KCNMA1: variants seen among roughly 807,000 people sequenced by gnomAD.
KCNMA1 encodes the protein potassium calcium-activated channel subfamily M alpha 1.
Under a neutral mutation model 140.0 loss-of-function variants are expected in KCNMA1, and 29 were observed. The ratio of observed to expected loss-of-function variants is 0.21; its 90% confidence interval spans 0.15 to 0.28. The LOEUF (loss-of-function observed/expected upper bound fraction) is 0.28, where lower values mean the gene tolerates loss of function less well. Ranked by LOEUF, KCNMA1 falls within the 10% of genes least tolerant of loss-of-function variation. The pLI is 1.00. For synonymous variants in KCNMA1, 612 were observed against 611.9 expected (o/e 1.00, Z 0.00); for missense variants, 880 against 1,602.2 (o/e 0.55, Z 7.70).
intron 1 of KCNMA1, among the ~76,000 whole-genome samples, chr10:77,506,913 A>C (rs933657502): frequency 3.3e-5 from 5 of 151,822 alleles, no homozygotes; most frequent in African/African-American, 1.2e-4. Context: ...ATGAAGAGAG[A>C]GAGTAAAAGA....
At chr10:76,927,766 G>A (rs1484015156) in intron 23 of KCNMA1, among the ~76,000 whole-genome samples, 1 of 152,028 alleles carries the variant, frequency 6.6e-6, no homozygotes, top group Non-Finnish European at 1.5e-5. Context: ...AAAAGGAAAG[G>A]GTCAGGTAAT....
intron 1 of KCNMA1, among the ~76,000 whole-genome samples, chr10:77,618,749 C>T (rs1878002): frequency 0.34 from 51,543 of 152,106 alleles, 9,375 homozygotes; most frequent in African/African-American, 0.46. Context: ...TGACATCACA[C>T]TGGTATCTTC....
At chr10:77,355,539 C>T (rs192066516) in intron 2 of KCNMA1, among the ~76,000 whole-genome samples, 1 of 152,108 alleles carries the variant, frequency 6.6e-6, no homozygotes, top group Non-Finnish European at 1.5e-5. Context: ...AAGCATCTAG[C>T]CCCAGGAGCT....
At chr10:77,412,830 C>T (rs2096649286) in intron 1 of KCNMA1, among the ~76,000 whole-genome samples, 3 of 152,128 alleles carry the variant, frequency 2.0e-5, no homozygotes, top group Non-Finnish European at 2.9e-5. Flanking sequence ...AGTCCATAGG[C>T]CCATGTTAGC....
chr10:77,183,353 A>C lies in KCNMA1; in HGVS notation c.808+68T>G. On this transcript the variant is annotated intron_variant, in intron 5 of 27. Coordinates refer to ENST00000286628, the MANE Select transcript of KCNMA1 (RefSeq NM_001161352.2). ...TTGTAGGGAGACAGCCCCCTCATCCACTGCAAATTCTGTCCTTCAGCCATG... is the reference window on the plus strand; with the variant it reads ...TTGTAGGGAGACAGCCCCCTCATCCCCTGCAAATTCTGTCCTTCAGCCATG... The C allele has an allele frequency of 3.0e-6, 3 of 1,016,772 alleles. No homozygotes were observed. In the East Asian group the frequency reaches 7.1e-5, roughly 24 times the overall value. The allele number at this position is 1,016,772 out of a possible 1,614,324, so 63.0% of individuals were successfully genotyped here. A position where few individuals can be genotyped will look rare whatever the true frequency, so the allele number is the denominator to read the frequency against.
At chr10:77,382,356 A>G (rs1180577312) in intron 2 of KCNMA1, among the ~76,000 whole-genome samples, 4 of 152,194 alleles carry the variant, frequency 2.6e-5, no homozygotes, top group Non-Finnish European at 4.4e-5. Context: ...AACAGGTGTT[A>G]TCATTATTCC....
chr10:77,482,892 C>T (rs1392223228), intron 1 of KCNMA1, among the ~76,000 whole-genome samples: 2 of 151,334 alleles, frequency 1.3e-5, no homozygotes, highest in Non-Finnish European at 2.9e-5. Context: ...GCCCCCAAGT[C>T]TCTCTCTTGC....
At chr10:77,527,685 T>C (rs943758622) in intron 1 of KCNMA1, among the ~76,000 whole-genome samples, 3 of 152,074 alleles carry the variant, frequency 2.0e-5, no homozygotes, top group African/African-American at 7.2e-5. Flanking sequence ...TTTCCATTTA[T>C]TAAAAGAGAA....
chr10:77,040,001 G>T (rs573935126), intron 14 of KCNMA1, among the ~76,000 whole-genome samples: 3 of 141,368 alleles, frequency 2.1e-5, no homozygotes, highest in African/African-American at 7.9e-5. Context: ...TCCTGCCTCA[G>T]CCTCTGGAGT....
chr10:77,505,156 C>T lies in KCNMA1; in HGVS notation c.379-101133G>A, dbSNP rs187303798. On this transcript the variant is annotated intron_variant, in intron 1 of 27. Transcript: ENST00000286628. The stretch of plus-strand genomic sequence containing the variant: ...TCACTAACCTGCTGCCCCCTTGCTA[C>T]GTGCCTGGAAATGCATAAATGTGCT... Among the ~76,000 whole-genome samples, 14 of 152,310 alleles carry T rather than the reference C, an allele frequency of 9.2e-5. No individual in the cohort carries two copies. The South Asian group carries it at 1.5e-3, about 16-fold the overall frequency.
At chr10:77,026,218 GA>G (rs1186794543) in intron 16 of KCNMA1, among the ~76,000 whole-genome samples, 1 of 152,122 alleles carries the variant, frequency 6.6e-6, no homozygotes, top group African/African-American at 2.4e-5. Flanking sequence ...GGCAACAAGT[GA>G]AAGACAACTG....
At chr10:77,126,827 C>T (rs959733294) in intron 5 of KCNMA1, among the ~76,000 whole-genome samples, 1 of 149,798 alleles carries the variant, frequency 6.7e-6, no homozygotes, top group African/African-American at 2.5e-5. Flanking sequence ...TGGGTTGAGG[C>T]TTCCCAGGCA....
intron 20 of KCNMA1, among the ~76,000 whole-genome samples, chr10:76,954,269 GCACACA>G (rs10663230): frequency 2.1e-5 from 3 of 141,196 alleles, no homozygotes; most frequent in African/African-American, 7.5e-5. Context: ...TCCCCAGCGT[GCACACA>G]CACACACACA....
chr10:77,584,649 G>T (rs190601076), intron 1 of KCNMA1, among the ~76,000 whole-genome samples: 1 of 152,164 alleles, frequency 6.6e-6, no homozygotes, highest in Non-Finnish European at 1.5e-5. Flanking sequence ...AAGCCACCAC[G>T]CCTGGCCTTG....
At chr10:77,439,616 G>A (rs902152842) in intron 1 of KCNMA1, among the ~76,000 whole-genome samples, 10 of 152,196 alleles carry the variant, frequency 6.6e-5, no homozygotes, top group African/African-American at 2.4e-4. Flanking sequence ...TGAAGGCTAA[G>A]TCAACCCATG....
intron 5 of KCNMA1, among the ~76,000 whole-genome samples, chr10:77,152,309 T>TGTG (rs59919010): frequency 6.8e-6 from 1 of 147,694 alleles, no homozygotes; most frequent in South Asian, 2.2e-4. Context: ...TGTGTGTGTG[T>TGTG]TGTTGCTGTT....
intron 1 of KCNMA1, among the ~76,000 whole-genome samples, chr10:77,436,997 C>A (rs10824543): frequency 0.027 from 3,379 of 126,936 alleles, 75 homozygotes; most frequent in Middle Eastern, 0.11. Context: ...CACACACACA[C>A]TCCTTCAGCC....
intron 1 of KCNMA1, among the ~76,000 whole-genome samples, chr10:77,546,050 G>A (rs2061402558): frequency 6.6e-6 from 1 of 152,178 alleles, no homozygotes; most frequent in Non-Finnish European, 1.5e-5. Flanking sequence ...AGGCCTGGCT[G>A]TCCCTTGGAG....
intron 19 of KCNMA1, chr10:76,977,433 A>C (rs2077975675): frequency 1.6e-6 from 1 of 640,166 alleles, no homozygotes; most frequent in Admixed American, 2.4e-5. Flanking sequence ...CCATAGCCAC[A>C]GTTGTTGGTT....
Sources: gnomAD v4.1 joint callset for allele counts (sites outside exome capture counted in the v4.1 genomes callset) on GRCh38, gnomAD v4.1.1 for gene constraint, MANE v1.5 for transcripts, NCBI Gene and HGNC (gene_info 2026-07-23, HGNC 2026-07-21) for gene names.